The following MYCBP2 variants were observed in gnomAD, a reference collection of about 807,000 sequenced individuals.
MYCBP2 encodes E3 ubiquitin-protein ligase MYCBP2.
In MYCBP2, 120 loss-of-function variants were observed where a neutral mutation model predicts 525.3. The ratio of observed to expected loss-of-function variants is 0.23; its 90% CI spans 0.20 to 0.27. The LOEUF (loss-of-function observed/expected upper bound fraction) is 0.27, where lower values mean the gene tolerates loss of function less well. Ranked by LOEUF, MYCBP2 falls within the 10% of genes least tolerant of loss-of-function variation. The probability of loss-of-function intolerance (pLI) is 1.00; values close to 1 mark genes in which losing one functional copy is unlikely to be tolerated. For synonymous variants in MYCBP2, 1,894 were observed against 1,955.8 expected (o/e 0.97, Z 0.83); for missense variants, 4,149 against 5,657.1 (o/e 0.73, Z 8.55).
Position 77,251,349 on chromosome 13 carries a change from C to A in MYCBP2, c.2183G>T (p.Gly728Val). 6.2e-7 allele frequency: 1 copy of A among 1,613,836 alleles called. No individual in the cohort carries two copies. The highest frequency in any genetic ancestry group is 8.5e-7 in the Non-Finnish European group (1 of 1,179,844). The change falls in exon 15 of 83, where the codon GGA becomes GTA. Residue 728 changes from glycine (G) to valine (V), a missense_variant. Physicochemically the swap from Gly to Val is moderately radical, Grantham distance 109. Transcript: ENST00000544440. ...GAMNQGGKGF[G>V]VENMATAMDE... ...CATTGCTGTTGCCATATTTTCAACT[C>A]CAAACCCTATTTGACAGATCAATTT...
intron 2 of MYCBP2, among the ~76,000 whole-genome samples, chr13:77,292,669 A>G (rs1306444691): frequency 6.6e-6 from 1 of 152,186 alleles, no homozygotes; most frequent in African/African-American, 2.4e-5. Context: ...GCAGAGGGTA[A>G]GAAAACCGGC....
intron 8 of MYCBP2, among the ~76,000 whole-genome samples, chr13:77,266,180 T>A (rs1360789840): frequency 6.6e-6 from 1 of 152,166 alleles, no homozygotes; most frequent in African/African-American, 2.4e-5. Flanking sequence ...CAGAAGTAAA[T>A]CCTTGATATT....
chr13:77,153,094 T>C (rs1383191401), intron 46 of MYCBP2, among the ~76,000 whole-genome samples: 2 of 149,936 alleles, frequency 1.3e-5, no homozygotes, highest in East Asian at 1.9e-4. Context: ...AAAAATCTGC[T>C]GTATTCACGC....
chr13:77,219,584 G>C (rs979216693), intron 20 of MYCBP2, among the ~76,000 whole-genome samples: 2 of 152,042 alleles, frequency 1.3e-5, no homozygotes, highest in African/African-American at 2.4e-5. Context: ...AAGACAGCTA[G>C]GTTTCATAGC....
rs1445589284 is a variant in MYCBP2 at position 77,077,307 on chromosome 13, T to C, written c.11565A>G (p.Leu3855=). ...CTCTCAGTGTATTTTCTGGGCCTTT[T>C]AATTCAATTTTTATGATGTGATTAT... ...GGDNHIIKIE[L]KGPENTLRVR... Residue 3855 remains leucine (L), a synonymous_variant, in exon 67 of 83, where the codon TTA becomes TTG. Transcript: ENST00000544440. The C allele has an allele frequency of 2.5e-6, 4 of 1,613,920 alleles. No individual in the cohort carries two copies. In the Admixed American group the frequency reaches 6.7e-5, roughly 27 times the overall value.
intron 1 of MYCBP2, among the ~76,000 whole-genome samples, chr13:77,301,570 C>T (rs1008406076): frequency 1.1e-4 from 17 of 151,982 alleles, no homozygotes; most frequent in African/African-American, 4.1e-4. Context: ...TTCTATCTGT[C>T]TGACACAGCA....
At position 77,086,849 on chromosome 13, in the gene MYCBP2, A is replaced by G. The variant is rs373926392; in HGVS notation, c.10875+635T>C. On this transcript the variant is annotated intron_variant, in intron 62 of 82. Coordinates refer to ENST00000544440, the MANE Select transcript of MYCBP2 (RefSeq NM_015057.5). ...ATGCTATAAAATCTCAAAACTAAAA[A>G]TATCAATTATACTTAGATTAGTATT... Among the ~76,000 whole-genome samples, 4 of 152,154 alleles carry G rather than the reference A, an allele frequency of 2.6e-5. No homozygotes were observed. In the South Asian group the frequency reaches 8.3e-4, roughly 31 times the overall value.
intron 1 of MYCBP2, among the ~76,000 whole-genome samples, chr13:77,309,017 A>G (rs1310555151): frequency 2.0e-5 from 3 of 152,250 alleles, no homozygotes; most frequent in Admixed American, 6.5e-5. Context: ...GACAGTATGC[A>G]AATGGATGCC....
chr13:77,284,398 T>G (rs1412759804), intron 3 of MYCBP2, among the ~76,000 whole-genome samples: 1 of 152,112 alleles, frequency 6.6e-6, no homozygotes, highest in African/African-American at 2.4e-5. Context: ...AAAAGAAAAA[T>G]GCCAACATTT....
chr13:77,166,672 T>G, intron 40 of MYCBP2, 118 bp from the exon 41 acceptor site: 1 of 570,570 alleles, frequency 1.8e-6, no homozygotes, highest in South Asian at 5.0e-5. Context: ...CAGGATAAAG[T>G]ACAAAATTAA....
intron 3 of MYCBP2, among the ~76,000 whole-genome samples, chr13:77,279,533 C>T (rs532904017): frequency 3.3e-5 from 5 of 152,236 alleles, no homozygotes; most frequent in African/African-American, 1.2e-4. Flanking sequence ...AATTCCATTT[C>T]TCAGGCAATG....
rs191317485 is a variant in MYCBP2 at position 77,165,487 on chromosome 13, T to C, written c.6341-96A>G. The C allele has an allele frequency of 2.5e-4, 229 of 906,534 alleles. No homozygotes were observed. The Admixed American group carries it at 4.8e-3, about 19-fold the overall frequency. The allele number at this position is 906,534 out of a possible 1,614,324, so 56.2% of individuals were successfully genotyped here. Reference sequence around the variant, plus strand: ...ATGGACTTTCTCTTTTATCACAAGATAGGTAAAAACACAAATCATATACTA... The same window carrying C: ...ATGGACTTTCTCTTTTATCACAAGACAGGTAAAAACACAAATCATATACTA... On this transcript the variant is annotated intron_variant, in intron 41 of 82. Coordinates refer to ENST00000544440, the MANE Select transcript of MYCBP2 (RefSeq NM_015057.5).
chr13:77,120,758 G>T (rs543197930), intron 55 of MYCBP2, among the ~76,000 whole-genome samples: 1 of 152,100 alleles, frequency 6.6e-6, no homozygotes, highest in African/African-American at 2.4e-5. Flanking sequence ...CATGATGCTG[G>T]TCTCTTCCAT....
intron 26 of MYCBP2, among the ~76,000 whole-genome samples, chr13:77,198,981 A>G (rs934407685): frequency 6.6e-6 from 1 of 152,176 alleles, no homozygotes; most frequent in South Asian, 2.1e-4. Flanking sequence ...CCCTTCTTAC[A>G]GAATTTTGAT....
intron 26 of MYCBP2, among the ~76,000 whole-genome samples, chr13:77,194,641 TACTA>T (rs1220411560): frequency 2.6e-5 from 4 of 152,076 alleles, no homozygotes; most frequent in Non-Finnish European, 5.9e-5. Context: ...CTTCATCACT[TACTA>T]ACTGAGATCC....
At chr13:77,197,793 G>GAA (rs991074581) in intron 26 of MYCBP2, among the ~76,000 whole-genome samples, 1 of 141,012 alleles carries the variant, frequency 7.1e-6, no homozygotes, top group African/African-American at 2.6e-5. Flanking sequence ...TGAAGGGAAG[G>GAA]AAAAAAAAAG....
chr13:77,098,942 G>C lies in MYCBP2; in HGVS notation c.8212C>G (p.His2738Asp). Residue 2738 changes from histidine to aspartate, a missense_variant, in exon 56 of 83, where the codon CAC becomes GAC. Physicochemically the swap from His to Asp is moderately conservative, Grantham distance 81. This residue lies in a region of MYCBP2 where 653 missense variants were observed against 744.7 expected (regional missense o/e 0.88). Transcript: ENST00000544440. ...TSGKSELSSK[H>D]SRSLKPDGRM... ...CCATCAGGTTTAAGCGATCTGCTGT[G>C]TTTAGAGGACAGCTCTGATTTTCCT... 1 of 1,613,248 alleles carries C rather than the reference G, an allele frequency of 6.2e-7. No homozygotes were observed. Among genetic ancestry groups the C allele is most frequent in the African/African-American group, 1.3e-5 (1 of 74,976 alleles).
chr13:77,050,280 T>C (rs751980082), intron 82 of MYCBP2, among the ~76,000 whole-genome samples: 10 of 152,170 alleles, frequency 6.6e-5, no homozygotes, highest in Non-Finnish European at 1.2e-4. Flanking sequence ...GTGTGTTTTC[T>C]AGCTTTGACA....
rs1262929672 is a variant in MYCBP2, at chr13:77,211,016, TC to T, written c.3416+150del. On this transcript the variant is annotated intron_variant, in intron 23 of 82. Transcript: ENST00000544440. The stretch of plus-strand genomic sequence containing the variant: ...TAACCACTATGCTACAGTATAAAGG[TC>T]CCTGTGAATCACTGAGACAGAATTG... 3.3e-5 allele frequency: 16 copies of T among 491,786 alleles called. No individual in the cohort carries two copies. In the East Asian group the frequency reaches 6.2e-4, roughly 19 times the overall value. 30.5% of individuals were successfully genotyped at this position (491,786 alleles called of 1,614,324 possible).
Sources: gnomAD v4.1 joint callset for allele counts (sites outside exome capture counted in the v4.1 genomes callset) on GRCh38, gnomAD v4.1.1 for gene constraint, gnomAD v4.1.1 regional missense constraint, MANE v1.5 for transcripts, NCBI Gene and HGNC (gene_info 2026-07-23, HGNC 2026-07-21) for gene names.